The following ZC2HC1B variants were observed in gnomAD, a reference collection of about 807,000 sequenced individuals.
ZC2HC1B encodes the protein zinc finger C2HC-type containing 1B, also known as zinc finger C2HC domain-containing protein 1B.
In ZC2HC1B, 36 loss-of-function variants were observed where a neutral mutation model predicts 31.0. That is an observed-to-expected ratio of 1.16 (90% confidence interval 0.89 to 1.54). ZC2HC1B has a LOEUF of 1.54. ZC2HC1B is among the 40% of genes most tolerant of loss of function. The probability of loss-of-function intolerance (pLI) is 0.00; values close to 1 mark genes in which losing one functional copy is unlikely to be tolerated. For synonymous variants in ZC2HC1B, 73 were observed against 88.0 expected, an observed-to-expected ratio of 0.83 and a Z score of 0.95; for missense variants, 260 against 268.6, an observed-to-expected ratio of 0.97 and a Z score of 0.22.
intron 6 of ZC2HC1B, among the ~76,000 whole-genome samples, chr6:143,909,884 GGTTTT>G (rs1480129803): frequency 6.6e-6 from 1 of 151,576 alleles, no homozygotes; most frequent in Non-Finnish European, 1.5e-5. Flanking sequence ...TTTTTTGAAG[GGTTTT>G]GTTTTGTTTG....
intron 6 of ZC2HC1B, among the ~76,000 whole-genome samples, chr6:143,914,891 T>C (rs894702548): frequency 6.6e-6 from 1 of 152,228 alleles, no homozygotes; most frequent in East Asian, 1.9e-4. Flanking sequence ...TCTATTTTTG[T>C]CTTTGGATCT....
At position 143,886,229 on chromosome 6, in the gene ZC2HC1B, C is replaced by A; in HGVS notation, c.210+78C>A. ...GGCCTATTTCTGGGATTTCTGGTTT[C>A]ATTTTTGCTTGATAATACAGTAATG... On this transcript the variant is annotated intron_variant, in intron 3 of 7. Coordinates refer to ENST00000237275, the MANE Select transcript of ZC2HC1B (RefSeq NM_001013623.3). This position sits in a 1 kb window ranked among gnomAD's most constrained non-coding sequence, Gnocchi z 4.2. 7.4e-7 allele frequency: 1 copy of A among 1,356,080 alleles called. No homozygotes were observed. The highest frequency in any genetic ancestry group is 9.5e-7 in the Non-Finnish European group (1 of 1,050,136). The allele number at this position is 1,356,080 out of a possible 1,614,324, so 84.0% of individuals were successfully genotyped here. A position where few individuals can be genotyped will look rare whatever the true frequency, so the allele number is the denominator to read the frequency against.
Position 143,921,350 on chromosome 6 carries a change from T to C in ZC2HC1B, c.599-16299T>C, listed in dbSNP as rs1313450653. 2.0e-5 allele frequency among the ~76,000 whole-genome samples: 3 copies of C among 152,228 alleles called. No individual in the cohort carries two copies. Among genetic ancestry groups the C allele is most frequent in the African/African-American group, 7.2e-5 (3 of 41,472 alleles). On this transcript the variant is annotated intron_variant, in intron 6 of 7. Coordinates refer to ENST00000237275, the MANE Select transcript of ZC2HC1B (RefSeq NM_001013623.3). The surrounding 1 kb of genome is among the most constrained non-coding windows in gnomAD (Gnocchi z 6.1). ...TCTCATGTACCAAAAAGAAATGGAA[T>C]ATAAGTTTCAAGAAAGGGGAATTCT...
At chr6:143,896,298 A>C (rs542270787) in intron 4 of ZC2HC1B, among the ~76,000 whole-genome samples, 4 of 152,358 alleles carry the variant, frequency 2.6e-5, no homozygotes, top group African/African-American at 7.2e-5. Flanking sequence ...CAGTGAGTGA[A>C]TGAGCAAGTG....
At position 143,903,156 on chromosome 6, in the gene ZC2HC1B, A is replaced by T. The variant is rs375080754; in HGVS notation, c.598+4A>T. The T allele has an allele frequency of 6.4e-7, 1 of 1,551,960 alleles. No homozygotes were observed. Among genetic ancestry groups the T allele is most frequent in the East Asian group, 2.4e-5 (1 of 40,918 alleles). ...AATGAAGTCCCAACCAAGTCAGGTG[A>T]GTCAAAGCACGCATTTCATCTCTCA... On this transcript the variant is annotated splice_donor_region_variant and intron_variant, in intron 6 of 7. Coordinates refer to ENST00000237275, the MANE Select transcript of ZC2HC1B (RefSeq NM_001013623.3). This position sits in a 1 kb window ranked among gnomAD's most constrained non-coding sequence, Gnocchi z 4.3.
At position 143,886,194 on chromosome 6, in the gene ZC2HC1B, G is replaced by A. The variant is rs1460966114; in HGVS notation, c.210+43G>A. 9.7e-6 allele frequency: 14 copies of A among 1,446,088 alleles called. No individual in the cohort carries two copies. The highest frequency in any genetic ancestry group is 7.8e-5 in the South Asian group (5 of 64,332). The allele number at this position is 1,446,088 out of a possible 1,614,324, so 89.6% of individuals were successfully genotyped here. A position where few individuals can be genotyped will look rare whatever the true frequency, so the allele number is the denominator to read the frequency against. On this transcript the variant is annotated intron_variant, in intron 3 of 7. Transcript: ENST00000237275. The surrounding 1 kb of genome is among the most constrained non-coding windows in gnomAD (Gnocchi z 4.2). ...TTTAGTGTTTGTTATTACATTCTGC[G>A]GTACTGTAAGGCCTATTTCTGGGAT...
At chr6:143,879,824 A>ATTTTTTTTTTTTTT (rs557859315) in intron 1 of ZC2HC1B, among the ~76,000 whole-genome samples, 1 of 53,680 alleles carries the variant, frequency 1.9e-5, no homozygotes, top group Non-Finnish European at 3.3e-5. Context: ...GTTGTCCCTG[A>ATTTTTTTTTTTTTT]TTTTTTTTTT....
In ZC2HC1B at chr6:143,887,917, TTGA is replaced by T. The variant is rs1777549715; in HGVS notation, c.349+1102_349+1104del. 6.6e-6 allele frequency among the ~76,000 whole-genome samples: 1 copy of T among 152,138 alleles called. No homozygotes were observed. Among genetic ancestry groups the T allele is most frequent in the Non-Finnish European group, 1.5e-5 (1 of 67,972 alleles). On this transcript the variant is annotated intron_variant, in intron 4 of 7. Transcript: ENST00000237275. The surrounding 1 kb of genome is among the most constrained non-coding windows in gnomAD (Gnocchi z 5.1). ...CTTTAATACACAAAAGTTTTTCATT[TTGA>T]TGATGTCCAGTGTATCTGTTTTTTC...
At chr6:143,877,029 C>G (rs1019409601) in intron 1 of ZC2HC1B, among the ~76,000 whole-genome samples, 3 of 150,166 alleles carry the variant, frequency 2.0e-5, no homozygotes, top group Admixed American at 2.0e-4. Context: ...CAATATTAAC[C>G]ACCACAGGAG....
chr6:143,937,420 TA>T (rs1268746199), intron 6 of ZC2HC1B, among the ~76,000 whole-genome samples: 1 of 152,112 alleles, frequency 6.6e-6, no homozygotes, highest in Non-Finnish European at 1.5e-5. Context: ...AAACAGAGGT[TA>T]GGGGCAGAGG....
chr6:143,873,116 A>G (rs989181516), intron 1 of ZC2HC1B, among the ~76,000 whole-genome samples: 7 of 152,356 alleles, frequency 4.6e-5, no homozygotes, highest in Admixed American at 4.6e-4. Context: ...GGGTGCAGGT[A>G]TTGGGTAAAT....
intron 4 of ZC2HC1B, 63 bp from the exon 5 acceptor site, chr6:143,898,489 C>T: frequency 6.6e-7 from 1 of 1,511,042 alleles, no homozygotes; most frequent in Middle Eastern, 1.7e-4. Context: ...TTCTATAATT[C>T]TATAGTATTC....
chr6:143,910,460 T>C lies in ZC2HC1B; in HGVS notation c.598+7308T>C, dbSNP rs189618905. Among the ~76,000 whole-genome samples, 4 of 152,148 alleles carry C rather than the reference T, an allele frequency of 2.6e-5. No homozygotes were observed. In the East Asian group the frequency reaches 5.8e-4, roughly 22 times the overall value. ...TATTCTGTTGTTTTGGGGTGGAGAG[T>C]TCTTTAGATATCTATCAGGCCCACT... On this transcript the variant is annotated intron_variant, in intron 6 of 7. Coordinates refer to ENST00000237275, the MANE Select transcript of ZC2HC1B (RefSeq NM_001013623.3).
Position 143,886,034 on chromosome 6 carries a change from A to G in ZC2HC1B, c.93A>G (p.Glu31=), listed in dbSNP as rs1235810783. ...CGRRFAADVL[E]RHGPICKKLF... ...AATCCCTACTCTTCGTTTTCTAGGA[A>G]AGGCATGGACCAATATGTAAGAAAC... Residue 31 remains glutamate (E), a splice_region_variant and synonymous_variant, in exon 3 of 8, where the codon GAA becomes GAG. Transcript: ENST00000237275. This position sits in a 1 kb window ranked among gnomAD's most constrained non-coding sequence, Gnocchi z 4.2. 6.6e-7 allele frequency: 1 copy of G among 1,519,678 alleles called. No homozygotes were observed. Among genetic ancestry groups the G allele is most frequent in the African/African-American group, 1.4e-5 (1 of 71,112 alleles). 94.1% of individuals were successfully genotyped at this position (1,519,678 alleles called of 1,614,324 possible). A position where few individuals can be genotyped will look rare whatever the true frequency, so the allele number is the denominator to read the frequency against.
intron 1 of ZC2HC1B, among the ~76,000 whole-genome samples, chr6:143,874,274 C>T (rs1254771464): frequency 1.3e-5 from 2 of 152,200 alleles, no homozygotes; most frequent in Non-Finnish European, 2.9e-5. Context: ...TTGTTCATAT[C>T]ACCATCAGCA....
chr6:143,910,367 G>T (rs185643626), intron 6 of ZC2HC1B, among the ~76,000 whole-genome samples: 113 of 152,310 alleles, frequency 7.4e-4, no homozygotes, highest in African/African-American at 2.7e-3. Context: ...TTTTGTTGAG[G>T]AGTGTTTTAC....
At chr6:143,919,217 CTG>C (rs71024878) in intron 6 of ZC2HC1B, among the ~76,000 whole-genome samples, 21,160 of 123,196 alleles carry the variant, frequency 0.17, 1,506 homozygotes, top group Middle Eastern at 0.21. Context: ...TTGCTATTCT[CTG>C]TGTGTGTGTG....
rs187240300 is a variant in ZC2HC1B, at chr6:143,883,839, A to G, written c.29-465A>G. On this transcript the variant is annotated intron_variant, in intron 1 of 7. Coordinates refer to ENST00000237275, the MANE Select transcript of ZC2HC1B (RefSeq NM_001013623.3). This position sits in a 1 kb window ranked among gnomAD's most constrained non-coding sequence, Gnocchi z 4.1. ...CAATTCTTGCTTGGCCCATGCATTCAACCAATACCTTGAGTACCTTACTAT... is the reference window on the plus strand; with the variant it reads ...CAATTCTTGCTTGGCCCATGCATTCGACCAATACCTTGAGTACCTTACTAT... Among the ~76,000 whole-genome samples, 1 of 152,324 alleles carries G rather than the reference A, an allele frequency of 6.6e-6. No homozygotes were observed. The highest frequency in any genetic ancestry group is 1.9e-4 in the East Asian group (1 of 5,186).
At chr6:143,930,651 A>T (rs34387983) in intron 6 of ZC2HC1B, among the ~76,000 whole-genome samples, 4,252 of 152,220 alleles carry the variant, frequency 0.028, 67 homozygotes, top group Non-Finnish European at 0.044. Flanking sequence ...TGCTGGGATT[A>T]CAAGCGTGAG....
Sources: gnomAD v4.1 joint callset for allele counts (sites outside exome capture counted in the v4.1 genomes callset) on GRCh38, gnomAD v4.1.1 for gene constraint, Gnocchi (gnomAD v3.1) non-coding constraint, MANE v1.5 for transcripts, NCBI Gene and HGNC (gene_info 2026-07-23, HGNC 2026-07-21) for gene names.